Variants in CHLSN observed in about 807,000 individuals in gnomAD.
CHLSN encodes protein cholesin.
At chr7:1,099,092 G>A in the CHLSN span, among the ~76,000 whole-genome samples, 2 of 141,652 alleles carry the variant, frequency 1.4e-5, no homozygotes, top group Admixed American at 7.2e-5. Flanking sequence ...TTCTTGCAGC[G>A]GCCTCCCCTT....
the CHLSN span, chr7:984,662 C>T: frequency 3.4e-6 from 5 of 1,481,784 alleles, no homozygotes; most frequent in Non-Finnish European, 4.5e-6. Context: ...GCGGGAGAGG[C>T]TCCCAGGGTG....
the CHLSN span, among the ~76,000 whole-genome samples, chr7:1,071,291 T>A: frequency 6.6e-6 from 1 of 152,374 alleles, no homozygotes; most frequent in Admixed American, 6.5e-5. Flanking sequence ...AACATAGGCT[T>A]AAAAATTCTT....
At chr7:1,055,055 G>A in the CHLSN span, among the ~76,000 whole-genome samples, 1 of 152,222 alleles carries the variant, frequency 6.6e-6, no homozygotes, top group African/African-American at 2.4e-5. Flanking sequence ...GGCTCTCGGT[G>A]GGATGCCCCG....
At chr7:1,101,431 G>T in the CHLSN span, among the ~76,000 whole-genome samples, 5 of 152,238 alleles carry the variant, frequency 3.3e-5, no homozygotes, top group African/African-American at 1.2e-4. Context: ...CGTCGGACCA[G>T]GGGCTGGCTC....
the CHLSN span, among the ~76,000 whole-genome samples, chr7:1,043,091 C>CAA: frequency 3.5e-3 from 476 of 135,154 alleles, 2 homozygotes; most frequent in African/African-American, 4.5e-3. Context: ...ATCTCTACTA[C>CAA]AAAAAAAAAA....
chr7:1,133,339 A>G, the CHLSN span, among the ~76,000 whole-genome samples: 1 of 151,000 alleles, frequency 6.6e-6, no homozygotes, highest in Non-Finnish European at 1.5e-5. Flanking sequence ...GGCAGAAGGA[A>G]AAAGTCTTAA....
At chr7:994,825 C>T in the CHLSN span, among the ~76,000 whole-genome samples, 1 of 152,350 alleles carries the variant, frequency 6.6e-6, no homozygotes, top group East Asian at 1.9e-4. Flanking sequence ...TGAGCTCAGC[C>T]CAGATGTGCT....
chr7:997,500 G>C, the CHLSN span: 1 of 814,370 alleles, frequency 1.2e-6, no homozygotes, highest in Non-Finnish European at 1.8e-6. Flanking sequence ...CACCGGAGGA[G>C]CTGAAAGCCC....
chr7:1,115,968 T>C, the CHLSN span, among the ~76,000 whole-genome samples: 1 of 110,098 alleles, frequency 9.1e-6, no homozygotes, highest in Non-Finnish European at 1.9e-5. Flanking sequence ...CGCAGGATGA[T>C]GACATCACTG....
the CHLSN span, among the ~76,000 whole-genome samples, chr7:1,003,733 TGA>T: frequency 2.6e-5 from 1 of 39,030 alleles, no homozygotes; most frequent in Non-Finnish European, 5.1e-5. Flanking sequence ...GTCCTGTGGG[TGA>T]GTGGAGTCCT....
chr7:1,057,773 C>T, the CHLSN span: 9 of 774,858 alleles, frequency 1.2e-5, no homozygotes, highest in African/African-American at 1.2e-4. Flanking sequence ...ACCTGCTCGG[C>T]CCCCCGAGCT....
the CHLSN span, among the ~76,000 whole-genome samples, chr7:1,070,146 G>A: frequency 1.4e-4 from 13 of 95,332 alleles, no homozygotes; most frequent in Non-Finnish European, 2.4e-4. Context: ...GAGCCCCTCC[G>A]CCCGGCAGCT....
the CHLSN span, among the ~76,000 whole-genome samples, chr7:1,016,066 CCAGCGCACAG>C: frequency 6.2e-5 from 9 of 145,194 alleles, 2 homozygotes; most frequent in Middle Eastern, 3.5e-3. Context: ...GCAGCACACG[CCAGCGCACAG>C]CAGCACACAG....
the CHLSN span, among the ~76,000 whole-genome samples, chr7:979,360 C>T: frequency 6.6e-6 from 1 of 152,078 alleles, no homozygotes; most frequent in Non-Finnish European, 1.5e-5. Flanking sequence ...GTGCAAGAGT[C>T]CATCTCGTCA....
the CHLSN span, among the ~76,000 whole-genome samples, chr7:1,106,423 G>C: frequency 2.0e-5 from 3 of 152,222 alleles, no homozygotes; most frequent in African/African-American, 7.2e-5. Flanking sequence ...AGCCAAGAGA[G>C]GCCAGGACAG....
At chr7:1,121,986 C>T in the CHLSN span, among the ~76,000 whole-genome samples, 1 of 152,252 alleles carries the variant, frequency 6.6e-6, no homozygotes, top group Non-Finnish European at 1.5e-5. Context: ...TTGTCTGAGC[C>T]CTCATGGTCC....
the CHLSN span, chr7:1,127,291 T>A: frequency 1.9e-6 from 3 of 1,610,130 alleles, no homozygotes; most frequent in Non-Finnish European, 2.5e-6. Flanking sequence ...TGGTGCAGCC[T>A]CAGGGCCCAG....
chr7:1,010,876 A>G, the CHLSN span, among the ~76,000 whole-genome samples: 77 of 152,110 alleles, frequency 5.1e-4, no homozygotes, highest in South Asian at 2.3e-3. Flanking sequence ...AAGTCAGAAC[A>G]TCAGTGTAGA....
At chr7:995,050 T>G in the CHLSN span, among the ~76,000 whole-genome samples, 1 of 152,248 alleles carries the variant, frequency 6.6e-6, no homozygotes, top group Non-Finnish European at 1.5e-5. Context: ...CGGGGCTTCC[T>G]TAGCCGGAGG....
Sources: allele counts gnomAD v4.1 joint callset (sites outside exome capture counted in the v4.1 genomes callset), GRCh38; gene constraint gnomAD v4.1.1; transcripts MANE v1.5; gene names NCBI Gene and HGNC (gene_info 2026-07-23, HGNC 2026-07-21).